PTCHD4: variants seen among roughly 807,000 people sequenced by gnomAD.
The protein encoded by PTCHD4 is patched domain containing 4.
A neutral mutation model predicts 58.1 loss-of-function variants in PTCHD4; 33 were observed. The ratio of observed to expected loss-of-function variants is 0.57; its 90% confidence interval spans 0.43 to 0.76. The LOEUF (loss-of-function observed/expected upper bound fraction) is 0.76. PTCHD4 is among the 30% of genes least tolerant of loss of function. The pLI, the probability that PTCHD4 is intolerant of heterozygous loss-of-function variation, is 0.00. For missense variants in PTCHD4, 1,058 were observed against 1,027.1 expected (o/e 1.03, Z -0.41); for synonymous variants, 478 against 409.6 (o/e 1.17, Z -2.02).
chr6:47,969,120 A>C (rs1353371595), intron 4 of PTCHD4, among the ~76,000 whole-genome samples: 1 of 152,244 alleles, frequency 6.6e-6, no homozygotes, highest in African/African-American at 2.4e-5. Context: ...TGAGGAAAAC[A>C]ATACAAAACA....
chr6:47,900,432 C>G (rs1379041608), intron 4 of PTCHD4: 1 of 152,132 alleles, frequency 6.6e-6, no homozygotes, highest in Non-Finnish European at 1.5e-5. Context: ...GAATAAATGT[C>G]TATTCGAATC....
chr6:47,977,563 T>C lies in PTCHD4; in HGVS notation c.898+31071A>G, dbSNP rs867338944. Among the ~76,000 whole-genome samples, 15 of 152,164 alleles carry C rather than the reference T, an allele frequency of 9.9e-5. No individual in the cohort carries two copies. The South Asian group carries it at 1.7e-3, about 17-fold the overall frequency. ...CCCAGTTGAAATTTGATTCCAGCCTTGTGAGAGATCCTGAAACAGAGGACT... is the reference window on the plus strand; with the variant it reads ...CCCAGTTGAAATTTGATTCCAGCCTCGTGAGAGATCCTGAAACAGAGGACT... On this transcript the variant is annotated intron_variant, in intron 4 of 4. Transcript: ENST00000339488.
intron 4 of PTCHD4, among the ~76,000 whole-genome samples, chr6:47,896,265 C>T (rs999322978): frequency 6.6e-5 from 10 of 152,206 alleles, no homozygotes; most frequent in African/African-American, 2.4e-4. Context: ...GTGGTCCAGT[C>T]AGTACTGTAC....
intron 4 of PTCHD4, among the ~76,000 whole-genome samples, chr6:47,950,243 T>A (rs534070181): frequency 6.6e-6 from 1 of 151,674 alleles, no homozygotes; most frequent in African/African-American, 2.4e-5. Context: ...TCCTGGAGGG[T>A]TTGAAGGGGG....
chr6:47,897,940 C>CTTTTTTTTTTTTTTTTTTTTTTTTT (rs67063892), intron 4 of PTCHD4, among the ~76,000 whole-genome samples: 2 of 76,356 alleles, frequency 2.6e-5, no homozygotes, highest in African/African-American at 4.9e-5. Context: ...TTCTTTCTTT[C>CTTTTTTTTTTTTTTTTTTTTTTTTT]TTTTTTTTTT....
chr6:47,928,962 A>C (rs141160287), intron 4 of PTCHD4, among the ~76,000 whole-genome samples: 168 of 152,324 alleles, frequency 1.1e-3, no homozygotes, highest in Non-Finnish European at 2.1e-3. Context: ...GAAATTTCTA[A>C]TCTAAAACAA....
intron 4 of PTCHD4, among the ~76,000 whole-genome samples, chr6:48,000,251 A>G (rs149579861): frequency 3.2e-4 from 49 of 152,268 alleles, no homozygotes; most frequent in African/African-American, 1.2e-3. Context: ...TCAAGGCATT[A>G]TTTGTTATTA....
At chr6:48,046,640 A>G (rs1370825141) in intron 3 of PTCHD4, among the ~76,000 whole-genome samples, 1 of 151,832 alleles carries the variant, frequency 6.6e-6, no homozygotes, top group Non-Finnish European at 1.5e-5. Context: ...ATTTTGGAAC[A>G]GCTTTCTCAA....
At chr6:48,057,003 C>A (rs1764429676) in intron 3 of PTCHD4, among the ~76,000 whole-genome samples, 1 of 152,120 alleles carries the variant, frequency 6.6e-6, no homozygotes, top group South Asian at 2.1e-4. Context: ...TTCTTTAAAA[C>A]AAAATCTGAA....
chr6:48,060,580 C>T (rs1764585851), intron 3 of PTCHD4, among the ~76,000 whole-genome samples: 1 of 152,156 alleles, frequency 6.6e-6, no homozygotes, highest in South Asian at 2.1e-4. Context: ...CTCAAGGCAT[C>T]CTTCTACCTC....
chr6:48,071,784 T>C (rs771478515), intron 1 of PTCHD4, among the ~76,000 whole-genome samples: 1 of 152,210 alleles, frequency 6.6e-6, no homozygotes, highest in Admixed American at 6.5e-5. Context: ...CTTGTCTCTT[T>C]AAGACCCTTT....
chr6:47,921,852 T>C (rs1038652718), intron 4 of PTCHD4, among the ~76,000 whole-genome samples: 1 of 151,416 alleles, frequency 6.6e-6, no homozygotes, highest in African/African-American at 2.4e-5. Flanking sequence ...GGCTCATGCC[T>C]ATAATTCCAG....
At chr6:48,094,193 C>T (rs977060639) in intron 1 of PTCHD4, among the ~76,000 whole-genome samples, 3 of 152,110 alleles carry the variant, frequency 2.0e-5, no homozygotes, top group Non-Finnish European at 4.4e-5. Context: ...CAGTAGCATC[C>T]TATTCTTTCT....
chr6:48,000,630 A>G (rs536205376), intron 4 of PTCHD4, among the ~76,000 whole-genome samples: 1 of 152,238 alleles, frequency 6.6e-6, no homozygotes, highest in African/African-American at 2.4e-5. Context: ...CTGGCTTCAT[A>G]TTTGCTGACA....
Position 47,877,268 on chromosome 6 carries a change from G to T in PTCHD4, c.*1035C>A, listed in dbSNP as rs770898545. 6.6e-6 allele frequency among the ~76,000 whole-genome samples: 1 copy of T among 151,790 alleles called. No homozygotes were observed. The highest frequency in any genetic ancestry group is 1.5e-5 in the Non-Finnish European group (1 of 67,930). On this transcript the variant is annotated 3_prime_UTR_variant, in exon 5 of 5. Transcript: ENST00000339488. ...ATTTTCCCTATCTAAAATAAGAACG[G>T]TGTAACTATGGAGTACCCCAACTCA...
At chr6:47,894,125 C>G (rs1764459811) in intron 4 of PTCHD4, among the ~76,000 whole-genome samples, 1 of 152,176 alleles carries the variant, frequency 6.6e-6, no homozygotes, top group African/African-American at 2.4e-5. Flanking sequence ...TGCCAGAGGA[C>G]TCTCTCAGAA....
intron 4 of PTCHD4, among the ~76,000 whole-genome samples, chr6:47,918,588 A>T (rs1224321674): frequency 2.0e-5 from 3 of 152,188 alleles, no homozygotes; most frequent in South Asian, 4.1e-4. Flanking sequence ...GGCATATTTA[A>T]CTGTTCCAAA....
intron 3 of PTCHD4, among the ~76,000 whole-genome samples, chr6:48,014,060 A>G (rs921590251): frequency 6.6e-6 from 1 of 152,150 alleles, no homozygotes; most frequent in Non-Finnish European, 1.5e-5. Flanking sequence ...TAAAAGGTAC[A>G]CTTCTATCCC....
At position 47,863,640 on chromosome 6, in the gene PTCHD4, CTT is replaced by C. The variant is rs578078689; in HGVS notation, c.*14661_*14662del. The stretch of plus-strand genomic sequence containing the variant: ...ATTCACTGATTATTGGAAATTCAAA[CTT>C]AACTCATGTCCTACATGAATCTAGT... On this transcript the variant is annotated 3_prime_UTR_variant, in exon 5 of 5. Transcript: ENST00000339488. Among the ~76,000 whole-genome samples, 11 of 152,086 alleles carry C rather than the reference CTT, an allele frequency of 7.2e-5. No homozygotes were observed. The South Asian group carries it at 2.3e-3, about 31-fold the overall frequency.
Sources: allele counts gnomAD v4.1 joint callset (sites outside exome capture counted in the v4.1 genomes callset), GRCh38; gene constraint gnomAD v4.1.1; transcripts MANE v1.5; gene names NCBI Gene and HGNC (gene_info 2026-07-23, HGNC 2026-07-21).